The following OSTF1 variants were observed in gnomAD, a reference collection of about 807,000 sequenced individuals.
OSTF1 encodes the protein osteoclast stimulating factor 1.
OSTF1 carries 27 observed loss-of-function variants against 37.2 expected under a neutral mutation model. The ratio of observed to expected loss-of-function variants is 0.73; its 90% CI spans 0.54 to 1.00. The LOEUF (loss-of-function observed/expected upper bound fraction) is 1.00, where lower values mean the gene tolerates loss of function less well. Ranked by LOEUF, OSTF1 falls within the 50% of genes least tolerant of loss-of-function variation. OSTF1 has a pLI of 0.00. For synonymous variants in OSTF1, 82 were observed against 89.2 expected, an observed-to-expected ratio of 0.92 and a Z score of 0.46; for missense variants, 232 against 253.8, an observed-to-expected ratio of 0.91 and a Z score of 0.58.
chr9:75,113,220 G>A lies in OSTF1; in HGVS notation c.35-4284G>A, dbSNP rs145184515. Among the ~76,000 whole-genome samples, 572 of 152,110 alleles carry A rather than the reference G, an allele frequency of 3.8e-3. 5 individuals are homozygous for A. Among genetic ancestry groups the A allele is most frequent in the African/African-American group, 0.013 (554 of 41,496 alleles). On this transcript the variant is annotated intron_variant, in intron 1 of 9. Transcript: ENST00000346234. Reference sequence around the variant, plus strand: ...CCCAATCCCAAATCACACTGTTACTGTTTTCGTTGATTATAAAGGTAATAC... The same window carrying A: ...CCCAATCCCAAATCACACTGTTACTATTTTCGTTGATTATAAAGGTAATAC...
Position 75,134,400 on chromosome 9 carries a change from G to A in OSTF1, c.408+5G>A. 1 of 1,501,932 alleles carries A rather than the reference G, an allele frequency of 6.7e-7. No individual in the cohort carries two copies. The highest frequency in any genetic ancestry group is 2.3e-5 in the East Asian group (1 of 43,732). The allele number at this position is 1,501,932 out of a possible 1,614,324, so 93.0% of individuals were successfully genotyped here. On this transcript the variant is annotated splice_donor_5th_base_variant and intron_variant, in intron 7 of 9. Transcript: ENST00000346234. ...AATATTGAACTGAACCAGCAGGTAA[G>A]ACTGCTTATTTGAAAATTATTTAAC...
In OSTF1 at chr9:75,096,676, C is replaced by T. The variant is rs77433721; in HGVS notation, c.34+7950C>T. On this transcript the variant is annotated intron_variant, in intron 1 of 9. Transcript: ENST00000346234. Reference sequence around the variant, plus strand: ...CTGCCATGAGACAAAGAAATGACTACAACCTGGAGGTTATCTTGGAATGTG... The same window carrying T: ...CTGCCATGAGACAAAGAAATGACTATAACCTGGAGGTTATCTTGGAATGTG... Among the ~76,000 whole-genome samples the T allele has an allele frequency of 3.8e-3, 582 of 152,350 alleles. 5 individuals are homozygous for T. The highest frequency in any genetic ancestry group is 0.014 in the African/African-American group (565 of 41,578).
intron 2 of OSTF1, among the ~76,000 whole-genome samples, chr9:75,123,373 G>A (rs1275834758): frequency 6.6e-6 from 1 of 152,204 alleles, no homozygotes; most frequent in African/African-American, 2.4e-5. Flanking sequence ...GCAGAGAGCC[G>A]AGATCGTGCC....
At chr9:75,094,176 C>T (rs892704494) in intron 1 of OSTF1, among the ~76,000 whole-genome samples, 2 of 152,162 alleles carry the variant, frequency 1.3e-5, no homozygotes, top group African/African-American at 4.8e-5. Context: ...GTTGGACAGT[C>T]ATTTTATTAG....
Position 75,131,726 on chromosome 9 carries a change from G to T in OSTF1, c.197-44G>T, listed in dbSNP as rs201835195. The T allele has an allele frequency of 5.5e-4, 809 of 1,480,214 alleles. 5 individuals carry two copies. The Middle Eastern group carries it at 0.014, about 25-fold the overall frequency. The allele number at this position is 1,480,214 out of a possible 1,614,324, so 91.7% of individuals were successfully genotyped here. A position where few individuals can be genotyped will look rare whatever the true frequency, so the allele number is the denominator to read the frequency against. ...TGAGTGGCTTCAGTAAATCATTTGT[G>T]TGGCAATTCCACATTGGGTTAACAC... On this transcript the variant is annotated intron_variant, in intron 4 of 9. Transcript: ENST00000346234.
At chr9:75,142,620 C>T (rs754638532) in intron 9 of OSTF1, among the ~76,000 whole-genome samples, 3 of 152,032 alleles carry the variant, frequency 2.0e-5, no homozygotes, top group South Asian at 2.1e-4. Flanking sequence ...CTGCAGCCTT[C>T]GTAGAACAGG....
In OSTF1 at chr9:75,117,618, C is replaced by T. The variant is rs559727955; in HGVS notation, c.81+68C>T. The stretch of plus-strand genomic sequence containing the variant: ...TAAGATGATTTTATTTAGACATTTC[C>T]TCTGGTGTGAATGGTCTGCCTTTTC... On this transcript the variant is annotated intron_variant, in intron 2 of 9. Coordinates refer to ENST00000346234, the MANE Select transcript of OSTF1 (RefSeq NM_012383.5). The T allele has an allele frequency of 7.8e-6, 9 of 1,153,640 alleles. No individual in the cohort carries two copies. In the Admixed American group the frequency reaches 1.6e-4, roughly 21 times the overall value. The allele number at this position is 1,153,640 out of a possible 1,614,324, so 71.5% of individuals were successfully genotyped here. A position where few individuals can be genotyped will look rare whatever the true frequency, so the allele number is the denominator to read the frequency against.
Position 75,127,602 on chromosome 9 carries a change from A to G in OSTF1, c.115A>G (p.Ile39Val). The change falls in exon 3 of 10, where the codon ATC becomes GTC. Residue 39 changes from isoleucine to valine, a missense_variant. Physicochemically the swap from Ile to Val is conservative, Grantham distance 29. Transcript: ENST00000346234. ...ATTATACTTTGAGGAAGGTGATATT[A>G]TCTACATTACTGACATGGTAAGTCC... is the stretch of plus-strand genomic sequence containing the variant. Reference protein sequence around the residue: ...DELYFEEGDIIYITDMSDTNW... With the variant: ...DELYFEEGDIVYITDMSDTNW... 1.3e-6 allele frequency: 2 copies of G among 1,581,204 alleles called. No homozygotes were observed. Among genetic ancestry groups the G allele is most frequent in the South Asian group, 1.2e-5 (1 of 86,440 alleles).
chr9:75,124,993 C>T (rs570493179), intron 2 of OSTF1, among the ~76,000 whole-genome samples: 16 of 152,246 alleles, frequency 1.1e-4, no homozygotes, highest in Admixed American at 5.9e-4. Flanking sequence ...CAGCCCAGGA[C>T]GGCTCATAGA....
intron 1 of OSTF1, among the ~76,000 whole-genome samples, chr9:75,106,682 G>A (rs1319794617): frequency 1.3e-5 from 2 of 148,788 alleles, no homozygotes; most frequent in African/African-American, 5.0e-5. Context: ...GGTGCCGGGC[G>A]TGGTGGCTCA....
At chr9:75,132,799 T>C (rs771202934) in intron 5 of OSTF1, among the ~76,000 whole-genome samples, 11 of 152,208 alleles carry the variant, frequency 7.2e-5, no homozygotes, top group African/African-American at 1.2e-4. Flanking sequence ...AGTTATAGTT[T>C]AGCATATAAG....
At chr9:75,103,894 CA>C (rs1449427112) in intron 1 of OSTF1, among the ~76,000 whole-genome samples, 1 of 152,204 alleles carries the variant, frequency 6.6e-6, no homozygotes. Context: ...CTCAGCCTCC[CA>C]AAATGCTGAG....
In OSTF1 at chr9:75,130,607, C is replaced by T. The variant is rs1363124437; in HGVS notation, c.162C>T (p.Ser54=). The change falls in exon 4 of 10, where the codon TCC becomes TCT. Residue 54 remains serine, a synonymous_variant. Transcript: ENST00000346234. ...ATACCAATTGGTGGAAAGGCACCTC[C>T]AAAGGCAGGACTGGACTAATTCCAA... is the stretch of plus-strand genomic sequence containing the variant. ...MSDTNWWKGT[S]KGRTGLIPSN... The T allele has an allele frequency of 1.9e-6, 3 of 1,612,102 alleles. No individual in the cohort carries two copies. Among genetic ancestry groups the T allele is most frequent in the Non-Finnish European group, 2.5e-6 (3 of 1,178,288 alleles).
chr9:75,095,780 A>C (rs1372038849), intron 1 of OSTF1, among the ~76,000 whole-genome samples: 2 of 152,232 alleles, frequency 1.3e-5, no homozygotes, highest in East Asian at 3.8e-4. Flanking sequence ...CAGATTGCTT[A>C]TCTGTTTCTC....
chr9:75,141,291 C>G lies in OSTF1; in HGVS notation c.586+359C>G, dbSNP rs547993224. ...ATTCCAGCCTGGGTGAGAGCAAGAC[C>G]ATATCTCAAAAAAAGAAAACCAAAA... On this transcript the variant is annotated intron_variant, in intron 9 of 9. Coordinates refer to ENST00000346234, the MANE Select transcript of OSTF1 (RefSeq NM_012383.5). Among the ~76,000 whole-genome samples, 3 of 98,094 alleles carry G rather than the reference C, an allele frequency of 3.1e-5. No individual in the cohort carries two copies. The East Asian group carries it at 1.0e-3, about 34-fold the overall frequency. 64.4% of individuals were successfully genotyped at this position (98,094 alleles called of 152,430 possible).
intron 1 of OSTF1, among the ~76,000 whole-genome samples, chr9:75,104,281 A>G (rs951395416): frequency 6.6e-6 from 1 of 152,070 alleles, no homozygotes; most frequent in African/African-American, 2.4e-5. Context: ...GCAGTGGCTC[A>G]CACCTGTAAT....
intron 4 of OSTF1, 131 bp from the exon 5 acceptor site, chr9:75,131,639 A>G (rs112499468): frequency 2.4e-5 from 16 of 671,372 alleles, no homozygotes; most frequent in African/African-American, 1.1e-4. Context: ...TTTTATCCAC[A>G]TTAAGTAAAG....
intron 6 of OSTF1, 38 bp downstream of exon 6, chr9:75,133,439 G>A (rs754166077): frequency 8.0e-7 from 1 of 1,250,862 alleles, no homozygotes; most frequent in South Asian, 1.3e-5. Flanking sequence ...CTATGCTGCT[G>A]AAAATGTGTT....
At chr9:75,109,332 T>C (rs1825345218) in intron 1 of OSTF1, among the ~76,000 whole-genome samples, 2 of 152,240 alleles carry the variant, frequency 1.3e-5, no homozygotes, top group Non-Finnish European at 2.9e-5. Context: ...TTTATTCTTG[T>C]ATCCCAGTAG....
Sources: allele counts gnomAD v4.1 joint callset (sites outside exome capture counted in the v4.1 genomes callset), GRCh38; gene constraint gnomAD v4.1.1; transcripts MANE v1.5; gene names NCBI Gene and HGNC (gene_info 2026-07-23, HGNC 2026-07-21).